Variants in SYN2 observed in about 807,000 individuals in gnomAD.
SYN2 encodes the protein synapsin II, also known as synapsin-2.
In SYN2, 19 loss-of-function variants were observed where a neutral mutation model predicts 50.9. The observed-to-expected ratio is 0.37, with a 90% confidence interval of 0.26 to 0.55. The LOEUF is 0.55. SYN2 is among the 20% of genes least tolerant of loss of function. The pLI is 0.81. For missense variants in SYN2, 587 were observed against 576.4 expected (o/e 1.02, Z -0.19); for synonymous variants, 255 against 224.9 (o/e 1.13, Z -1.20).
At chr3:12,095,944 G>A (rs1266696813) in intron 1 of SYN2, among the ~76,000 whole-genome samples, 3 of 152,050 alleles carry the variant, frequency 2.0e-5, no homozygotes, top group Non-Finnish European at 2.9e-5. Flanking sequence ...TCTTATGTAC[G>A]CATCCAAAAC....
At chr3:12,046,414 G>A (rs1253542010) in intron 1 of SYN2, among the ~76,000 whole-genome samples, 1 of 152,174 alleles carries the variant, frequency 6.6e-6, no homozygotes, top group Non-Finnish European at 1.5e-5. Flanking sequence ...AATGTAGAGA[G>A]GGGGAGAATG....
At chr3:12,140,590 A>G in intron 1 of SYN2, 61 bp from the exon 2 acceptor site, 2 of 720,172 alleles carry the variant, frequency 2.8e-6, no homozygotes, top group Admixed American at 4.0e-5. Context: ...TTGTAATAGT[A>G]AATGTCTGAC....
At chr3:12,106,599 T>A (rs1696194650) in intron 1 of SYN2, among the ~76,000 whole-genome samples, 1 of 152,240 alleles carries the variant, frequency 6.6e-6, no homozygotes, top group East Asian at 1.9e-4. Flanking sequence ...GTGTTGGGAG[T>A]TATGTATGAG....
At chr3:12,067,929 A>G (rs996747209) in intron 1 of SYN2, among the ~76,000 whole-genome samples, 13 of 152,156 alleles carry the variant, frequency 8.5e-5, no homozygotes, top group African/African-American at 2.9e-4. Context: ...GTGGTGGTGC[A>G]TGCCTATAGT....
At chr3:12,082,440 C>G (rs931938363) in intron 1 of SYN2, among the ~76,000 whole-genome samples, 1 of 152,172 alleles carries the variant, frequency 6.6e-6, no homozygotes, top group Admixed American at 6.5e-5. Context: ...TCCTGAAATC[C>G]AAGTTCTCAG....
intron 1 of SYN2, among the ~76,000 whole-genome samples, chr3:12,097,618 A>C (rs1322783383): frequency 6.6e-6 from 1 of 151,936 alleles, no homozygotes; most frequent in African/African-American, 2.4e-5. Context: ...CAAAAAAAAA[A>C]AAAAGAAAGA....
At chr3:12,072,811 C>T (rs1695387089) in intron 1 of SYN2, among the ~76,000 whole-genome samples, 1 of 152,132 alleles carries the variant, frequency 6.6e-6, no homozygotes, top group African/African-American at 2.4e-5. Flanking sequence ...CTCTGTTTCT[C>T]CAGGTTACCT....
chr3:12,118,833 CAAAA>C (rs1559427116), intron 1 of SYN2, among the ~76,000 whole-genome samples: 1 of 152,062 alleles, frequency 6.6e-6, no homozygotes, highest in African/African-American at 2.4e-5. Flanking sequence ...AGCAAAAAAA[CAAAA>C]GAAGTGAAAG....
Position 12,043,108 on chromosome 3 carries a change from A to G in SYN2, c.377+38180A>G, listed in dbSNP as rs539932905. Among the ~76,000 whole-genome samples the G allele has an allele frequency of 2.1e-3, 310 of 151,186 alleles. 1 individual carries two copies. Among genetic ancestry groups the G allele is most frequent in the African/African-American group, 6.4e-3 (262 of 41,038 alleles). ...GGTGATCACAGCTCATTGCAGCCTT[A>G]AATTCCTGGACTCAGGCGATCCTCC... On this transcript the variant is annotated intron_variant, in intron 1 of 12. Coordinates refer to ENST00000621198, the MANE Select transcript of SYN2 (RefSeq NM_133625.6).
In SYN2 at chr3:12,004,877, C is replaced by T. The variant is rs749856625; in HGVS notation, c.326C>T (p.Ala109Val). The change falls in exon 1 of 13, where the codon GCC (alanine) becomes GTC (valine). Residue 109 changes from alanine (A) to valine (V), a missense_variant. Coordinates refer to ENST00000621198, the MANE Select transcript of SYN2 (RefSeq NM_133625.6). ...LVDAPAPAPA[A>V]ARKAKVLLVV... is the part of the protein sequence containing the mutation. ...GACGCGCCCGCTCCCGCGCCCGCAGCCGCCAGGAAGGCCAAGGTGCTGCTG... is the reference window on the plus strand; with the variant it reads ...GACGCGCCCGCTCCCGCGCCCGCAGTCGCCAGGAAGGCCAAGGTGCTGCTG... 1 of 576,094 alleles carries T rather than the reference C, an allele frequency of 1.7e-6. No homozygotes were observed. The highest frequency in any genetic ancestry group is 2.0e-5 in the South Asian group (1 of 50,754). 35.7% of individuals were successfully genotyped at this position (576,094 alleles called of 1,614,324 possible). A position where few individuals can be genotyped will look rare whatever the true frequency, so the allele number is the denominator to read the frequency against.
intron 1 of SYN2, among the ~76,000 whole-genome samples, chr3:12,046,441 A>G (rs935024905): frequency 1.3e-5 from 2 of 152,216 alleles, no homozygotes; most frequent in Non-Finnish European, 2.9e-5. Context: ...ATGAGGCTAG[A>G]GTAAACAGAG....
rs1695074182 is a variant in SYN2, at chr3:12,059,740, A to C, written c.377+54812A>C. Reference sequence around the variant, plus strand: ...GCTTATTTACTTCTCAGGGCTAGCTAGGCGCCTGGAATTTTTCTTGAAGGA... The same window carrying C: ...GCTTATTTACTTCTCAGGGCTAGCTCGGCGCCTGGAATTTTTCTTGAAGGA... On this transcript the variant is annotated intron_variant, in intron 1 of 12. Transcript: ENST00000621198. Among the ~76,000 whole-genome samples, 2 of 151,966 alleles carry C rather than the reference A, an allele frequency of 1.3e-5. 1 individual carries two copies. The highest frequency in any genetic ancestry group is 4.1e-4 in the South Asian group (2 of 4,824).
At chr3:12,064,999 G>A (rs763219771) in intron 1 of SYN2, among the ~76,000 whole-genome samples, 2 of 152,150 alleles carry the variant, frequency 1.3e-5, no homozygotes. Flanking sequence ...TAAACAAAAT[G>A]TGGTATAGCT....
At chr3:12,180,886 G>A (rs1468576728) in intron 10 of SYN2, among the ~76,000 whole-genome samples, 1 of 152,166 alleles carries the variant, frequency 6.6e-6, no homozygotes, top group East Asian at 1.9e-4. Context: ...AGCTCATCCT[G>A]TGTCTGGAGT....
chr3:12,089,682 T>G (rs1695783964), intron 1 of SYN2, among the ~76,000 whole-genome samples: 1 of 152,130 alleles, frequency 6.6e-6, no homozygotes, highest in Non-Finnish European at 1.5e-5. Flanking sequence ...CTAGCAGGAA[T>G]AGTTAATTTG....
At chr3:12,088,689 A>G (rs759269630) in intron 1 of SYN2, among the ~76,000 whole-genome samples, 2 of 152,224 alleles carry the variant, frequency 1.3e-5, no homozygotes. Flanking sequence ...TATATACACA[A>G]TGGAATACTA....
chr3:12,140,880 A>G (rs1697003516), intron 2 of SYN2, among the ~76,000 whole-genome samples, 172 bp downstream of exon 2: 1 of 152,096 alleles, frequency 6.6e-6, no homozygotes, highest in Non-Finnish European at 1.5e-5. Context: ...TCTGTGAGGC[A>G]TGGTCCTGGA....
At chr3:12,028,023 C>CCTCCCCT (rs1217746729) in intron 1 of SYN2, among the ~76,000 whole-genome samples, 1 of 49,034 alleles carries the variant, frequency 2.0e-5, no homozygotes, top group Non-Finnish European at 3.6e-5. Flanking sequence ...TTTTTCTTTC[C>CCTCCCCT]CTCCCCCCTC....
At chr3:12,076,584 T>C (rs986270518) in intron 1 of SYN2, among the ~76,000 whole-genome samples, 1 of 152,048 alleles carries the variant, frequency 6.6e-6, no homozygotes, top group South Asian at 2.1e-4. Context: ...AGGGAATCAC[T>C]GATAATACCT....
Sources: allele counts gnomAD v4.1 joint callset (sites outside exome capture counted in the v4.1 genomes callset), GRCh38; gene constraint gnomAD v4.1.1; transcripts MANE v1.5; gene names NCBI Gene and HGNC (gene_info 2026-07-23, HGNC 2026-07-21).